The following AIDA variants were observed in gnomAD, a reference collection of about 807,000 sequenced individuals.
AIDA encodes the protein axin interactor, dorsalization associated, also known as axin interactor, dorsalization-associated protein.
A neutral mutation model predicts 42.7 loss-of-function variants in AIDA; 18 were observed. The observed-to-expected ratio is 0.42, with a 90% CI of 0.29 to 0.63. The LOEUF is 0.63. Among genes scored for constraint, AIDA ranks in the 20% least tolerant of loss-of-function variants. AIDA has a pLI of 0.19. For synonymous variants in AIDA, 104 were observed against 122.9 expected (o/e 0.85, Z 1.02); for missense variants, 250 against 354.1 (o/e 0.71, Z 2.36).
chr1:222,687,549 G>A (rs1459700576), intron 5 of AIDA, 46 bp downstream of exon 5: 1 of 1,418,584 alleles, frequency 7.0e-7, no homozygotes, highest in Non-Finnish European at 9.6e-7. Flanking sequence ...ATCTGAAAGA[G>A]AGGTATAAAA....
At position 222,670,222 on chromosome 1, in the gene AIDA, G is replaced by A. The variant is rs1664421444; in HGVS notation, c.735C>T (p.His245=). 1 of 1,613,844 alleles carries A rather than the reference G, an allele frequency of 6.2e-7. No individual in the cohort carries two copies. Among genetic ancestry groups the A allele is most frequent in the Admixed American group, 1.7e-5 (1 of 59,974 alleles). Residue 245 remains histidine, a synonymous_variant, in exon 9 of 10, where the codon CAC becomes CAT. Transcript: ENST00000340020. ...TGGTAAACCTTTTTTTAGGCTTGTA[G>A]TGTTTGAATTCAAAGAAGATAGCTG... is the stretch of plus-strand genomic sequence containing the variant. ...KGAAIFFEFK[H]YKPKKRFTST...
chr1:222,706,148 A>G (rs557666386), intron 1 of AIDA, among the ~76,000 whole-genome samples: 1 of 152,338 alleles, frequency 6.6e-6, no homozygotes, highest in African/African-American at 2.4e-5. Flanking sequence ...ACCCGCTAGA[A>G]TGGCTATAAT....
intron 1 of AIDA, among the ~76,000 whole-genome samples, chr1:222,707,148 G>T (rs1367808953): frequency 3.9e-5 from 6 of 151,916 alleles, no homozygotes; most frequent in Non-Finnish European, 8.8e-5. Context: ...CAATAAAGTT[G>T]TCTGTAAAAT....
At position 222,668,937 on chromosome 1, in the gene AIDA, A is replaced by C. The variant is rs1042290947; in HGVS notation, c.*956T>G. On this transcript the variant is annotated 3_prime_UTR_variant, in exon 10 of 10. Coordinates refer to ENST00000340020, the MANE Select transcript of AIDA (RefSeq NM_022831.4). ...ATGGCGATCCTATCTACCTATATAA[A>C]AAAAATAGAATATCTTTCCAGATTT... 6.6e-6 allele frequency: 1 copy of C among 151,850 alleles called. No individual in the cohort carries two copies. Among genetic ancestry groups the C allele is most frequent in the Non-Finnish European group, 1.5e-5 (1 of 67,966 alleles). 9.4% of individuals were successfully genotyped at this position (151,850 alleles called of 1,614,324 possible). A position where few individuals can be genotyped will look rare whatever the true frequency, so the allele number is the denominator to read the frequency against.
chr1:222,685,356 C>T (rs960448939), intron 6 of AIDA, among the ~76,000 whole-genome samples: 3 of 152,194 alleles, frequency 2.0e-5, no homozygotes, highest in Admixed American at 1.3e-4. Context: ...GTTTAGGACA[C>T]AGGTGCAAAG....
intron 2 of AIDA, among the ~76,000 whole-genome samples, chr1:222,695,823 T>C (rs140919746): frequency 1.2e-4 from 19 of 152,320 alleles, no homozygotes; most frequent in African/African-American, 4.1e-4. Context: ...GAAAAAAGCA[T>C]GTTTTTCTAA....
At chr1:222,701,795 C>T (rs1655715161) in intron 2 of AIDA, among the ~76,000 whole-genome samples, 1 of 152,198 alleles carries the variant, frequency 6.6e-6, no homozygotes, top group Non-Finnish European at 1.5e-5. Context: ...GCTATCTCAG[C>T]TCACTGCAAC....
At chr1:222,711,999 G>A (rs954453192) in intron 1 of AIDA, 1 of 652,056 alleles carries the variant, frequency 1.5e-6, no homozygotes, top group Non-Finnish European at 2.6e-6. Flanking sequence ...GGCGGAGAGG[G>A]AAGAAGGCGA....
chr1:222,675,074 G>A (rs1038987721), intron 7 of AIDA, among the ~76,000 whole-genome samples: 4 of 151,958 alleles, frequency 2.6e-5, no homozygotes, highest in Non-Finnish European at 5.9e-5. Context: ...TGTGGATCAC[G>A]GTCTCCAAAT....
intron 6 of AIDA, among the ~76,000 whole-genome samples, chr1:222,677,315 T>C (rs1015916811): frequency 5.8e-4 from 88 of 152,300 alleles, no homozygotes; most frequent in African/African-American, 2.0e-3. Flanking sequence ...TAATGACTTA[T>C]CCATAGGTTC....
At chr1:222,688,123 G>A (rs1558211118) in intron 4 of AIDA, among the ~76,000 whole-genome samples, 1 of 152,160 alleles carries the variant, frequency 6.6e-6, no homozygotes, top group Non-Finnish European at 1.5e-5. Context: ...AGGAGGCTGA[G>A]GTAGGAGAAT....
At chr1:222,700,188 G>T (rs1571939388) in intron 2 of AIDA, among the ~76,000 whole-genome samples, 1 of 152,172 alleles carries the variant, frequency 6.6e-6, no homozygotes, top group African/African-American at 2.4e-5. Flanking sequence ...GTCTCAACTG[G>T]CAGCCACAAA....
intron 3 of AIDA, 41 bp from the exon 4 acceptor site, chr1:222,693,884 G>T: frequency 6.9e-7 from 1 of 1,451,806 alleles, no homozygotes. Flanking sequence ...TCACTACAAG[G>T]ATTTCACTGC....
chr1:222,702,567 C>T (rs74821315), intron 2 of AIDA, among the ~76,000 whole-genome samples: 3,060 of 152,154 alleles, frequency 0.02, 95 homozygotes, highest in African/African-American at 0.067. Flanking sequence ...AGAAAAGGCA[C>T]GATTGAAACA....
intron 7 of AIDA, among the ~76,000 whole-genome samples, chr1:222,673,874 A>C (rs1477595985): frequency 6.6e-6 from 1 of 152,118 alleles, no homozygotes; most frequent in East Asian, 1.9e-4. Flanking sequence ...ACTTAAGGTC[A>C]GGAGTTCAAG....
intron 1 of AIDA, chr1:222,711,929 T>G: frequency 2.5e-6 from 1 of 397,936 alleles, no homozygotes; most frequent in Non-Finnish European, 4.6e-6. Context: ...GCAGATAGCC[T>G]GCTGGGGCCT....
intron 6 of AIDA, among the ~76,000 whole-genome samples, chr1:222,680,271 A>G (rs1418063410): frequency 6.6e-6 from 1 of 152,050 alleles, no homozygotes; most frequent in African/African-American, 2.4e-5. Context: ...TTCAGGAGAC[A>G]GGGGAAGCCA....
intron 2 of AIDA, among the ~76,000 whole-genome samples, chr1:222,696,019 G>A (rs555177328): frequency 6.6e-6 from 1 of 152,182 alleles, no homozygotes; most frequent in African/African-American, 2.4e-5. Context: ...AACCACTACT[G>A]AGCAAGATAC....
At chr1:222,676,066 G>A (rs1664537534) in intron 7 of AIDA, 30 bp downstream of exon 7, 2 of 1,527,030 alleles carry the variant, frequency 1.3e-6, no homozygotes, top group Non-Finnish European at 8.8e-7. Flanking sequence ...AAATTCACCT[G>A]AGAAAAAAAA....
Sources: allele counts gnomAD v4.1 joint callset (sites outside exome capture counted in the v4.1 genomes callset), GRCh38; gene constraint gnomAD v4.1.1; transcripts MANE v1.5; gene names NCBI Gene and HGNC (gene_info 2026-07-23, HGNC 2026-07-21).